The following MAP3K13 variants were observed in gnomAD, a reference collection of about 807,000 sequenced individuals.
The protein encoded by MAP3K13 is mitogen-activated protein kinase kinase kinase 13.
MAP3K13 carries 52 observed loss-of-function variants against 104.0 expected under a neutral mutation model. That is an observed-to-expected ratio of 0.50 (90% CI 0.40 to 0.63). MAP3K13 has a LOEUF of 0.63. Among genes scored for constraint, MAP3K13 ranks in the 20% least tolerant of loss-of-function variants. The pLI is 0.00. For synonymous variants in MAP3K13, 394 were observed against 442.2 expected, an observed-to-expected ratio of 0.89 and a Z score of 1.37; for missense variants, 914 against 1,218.5, an observed-to-expected ratio of 0.75 and a Z score of 3.72.
In MAP3K13 at chr3:185,454,670, GAGATATTTATATGAT is replaced by G. The variant is rs1716235080; in HGVS notation, c.1278+3277_1278+3291del. Among the ~76,000 whole-genome samples, 6 of 96,908 alleles carry G rather than the reference GAGATATTTATATGAT, an allele frequency of 6.2e-5. 2 individuals carry two copies. Among genetic ancestry groups the G allele is most frequent in the African/African-American group, 2.5e-4 (6 of 23,818 alleles). 63.6% of individuals were successfully genotyped at this position (96,908 alleles called of 152,430 possible). On this transcript the variant is annotated intron_variant, in intron 7 of 13. Transcript: ENST00000265026. ...TATATGATATATATATGATATATATGAGATATTTATATGATATATATATGAGATATATATATCATA... is the reference window on the plus strand; with the variant it reads ...TATATGATATATATATGATATATATGATATATATGAGATATATATATCATA...
chr3:185,454,784 TAC>T (rs1305361019), intron 7 of MAP3K13, among the ~76,000 whole-genome samples: 13 of 105,214 alleles, frequency 1.2e-4, no homozygotes, highest in African/African-American at 3.4e-4. Flanking sequence ...ATGAGATATA[TAC>T]ATGATATATA....
intron 5 of MAP3K13, among the ~76,000 whole-genome samples, chr3:185,449,535 T>G (rs1715772634): frequency 6.6e-6 from 1 of 152,174 alleles, no homozygotes; most frequent in African/African-American, 2.4e-5. Context: ...TTTTCCTAGC[T>G]GTTCCAACAA....
chr3:185,456,284 A>G (rs964798319), intron 7 of MAP3K13, among the ~76,000 whole-genome samples: 1 of 152,038 alleles, frequency 6.6e-6, no homozygotes, highest in Admixed American at 6.6e-5. Context: ...GCTTGCCCCT[A>G]TTGTTTGTTA....
chr3:185,354,605 G>C (rs962855222), intron 2 of MAP3K13, among the ~76,000 whole-genome samples: 1 of 39,884 alleles, frequency 2.5e-5, no homozygotes, highest in Admixed American at 2.2e-4. Context: ...ACTGTTATAA[G>C]TATGGGGGGG....
At chr3:185,422,814 C>G (rs960998732) in intron 1 of MAP3K13, among the ~76,000 whole-genome samples, 1 of 152,144 alleles carries the variant, frequency 6.6e-6, no homozygotes. Flanking sequence ...CAGTCTGTGG[C>G]CTGTTAGGAA....
upstream of MAP3K13, among the ~76,000 whole-genome samples, chr3:185,360,575 G>A (rs1372588494): frequency 6.6e-6 from 1 of 152,046 alleles, no homozygotes; most frequent in Non-Finnish European, 1.5e-5. Flanking sequence ...TGTTCCTGTG[G>A]TACAGGAAGC....
At chr3:185,351,121 A>C (rs1315772529) in intron 2 of MAP3K13, among the ~76,000 whole-genome samples, 1 of 152,218 alleles carries the variant, frequency 6.6e-6, no homozygotes, top group African/African-American at 2.4e-5. Flanking sequence ...AGAGCACTAA[A>C]CACCACGTGT....
At chr3:185,309,853 C>G (rs1295948202) in intron 2 of MAP3K13, among the ~76,000 whole-genome samples, 1 of 152,094 alleles carries the variant, frequency 6.6e-6, no homozygotes, top group East Asian at 1.9e-4. Flanking sequence ...TGTTCCTCCA[C>G]AGATATAAGG....
chr3:185,397,903 A>C (rs1712524319), intron 1 of MAP3K13, among the ~76,000 whole-genome samples: 3 of 152,048 alleles, frequency 2.0e-5, no homozygotes, highest in African/African-American at 4.8e-5. Context: ...TGCCAGTAAG[A>C]CTTTGAAAGG....
chr3:185,285,366 C>A, intron 1 of MAP3K13: 1 of 347,842 alleles, frequency 2.9e-6, no homozygotes. Flanking sequence ...TTTGCTACCT[C>A]AGTCTCCTGT....
rs1471878063 is a variant in MAP3K13 at position 185,485,645 on chromosome 3, TTTAA to T, written c.*3195_*3198del. 10 of 152,216 alleles carry T rather than the reference TTTAA, an allele frequency of 6.6e-5. No homozygotes were observed. In the South Asian group the frequency reaches 1.7e-3, roughly 25 times the overall value. The allele number at this position is 152,216 out of a possible 1,614,324, so 9.4% of individuals were successfully genotyped here. A position where few individuals can be genotyped will look rare whatever the true frequency, so the allele number is the denominator to read the frequency against. ...CAGTGCTTGTGTTCAAGTACCCCTATTTAATTAATAATAGCCCCAAAGGGCAAGA... is the reference window on the plus strand; with the variant it reads ...CAGTGCTTGTGTTCAAGTACCCCTATTTAATAATAGCCCCAAAGGGCAAGA... On this transcript the variant is annotated 3_prime_UTR_variant, in exon 14 of 14. Coordinates refer to ENST00000265026, the MANE Select transcript of MAP3K13 (RefSeq NM_004721.5).
At chr3:185,426,971 C>A (rs1230657357) in intron 1 of MAP3K13, among the ~76,000 whole-genome samples, 1 of 152,088 alleles carries the variant, frequency 6.6e-6, no homozygotes, top group Non-Finnish European at 1.5e-5. Context: ...CATACCCTGA[C>A]CTCTAGCATA....
chr3:185,454,304 T>TATATATGAGATATATATGAGATATATATC (rs1560116239), intron 7 of MAP3K13, among the ~76,000 whole-genome samples: 2 of 91,936 alleles, frequency 2.2e-5, no homozygotes, highest in African/African-American at 1.0e-4. Flanking sequence ...ATATATATCA[T>TATATATGAGATATATATGAGATATATATC]ATATATATGA....
At chr3:185,366,260 T>G (rs1723884166) in intron 1 of MAP3K13, among the ~76,000 whole-genome samples, 1 of 152,146 alleles carries the variant, frequency 6.6e-6, no homozygotes, top group Non-Finnish European at 1.5e-5. Flanking sequence ...TTGTCCATGT[T>G]GTAGCCTATA....
intron 3 of MAP3K13, among the ~76,000 whole-genome samples, chr3:185,441,244 G>A (rs924955478): frequency 2.0e-5 from 3 of 151,778 alleles, no homozygotes; most frequent in African/African-American, 7.3e-5. Context: ...AAATAAACAT[G>A]GAAATGTCCT....
Position 185,338,020 on chromosome 3 carries a change from C to A in MAP3K13, c.-86+52377C>A, listed in dbSNP as rs562243634. On this transcript the variant is annotated intron_variant, in intron 2 of 14. Transcript: ENST00000424227. ...TCTGAAAAATGATTTGATAATGAGA[C>A]CCATAGGAATAAACATGAAAAGCAA... is the stretch of plus-strand genomic sequence containing the variant. Among the ~76,000 whole-genome samples, 12 of 152,046 alleles carry A rather than the reference C, an allele frequency of 7.9e-5. No individual in the cohort carries two copies. The South Asian group carries it at 2.5e-3, about 32-fold the overall frequency.
rs1430136051 is a variant in MAP3K13, at chr3:185,454,492, AT to A, written c.1278+3098del. ...TATATATGAGATATATATGATATAT[AT>A]ACATATATATGAGATATATATGATA... is the stretch of plus-strand genomic sequence containing the variant. On this transcript the variant is annotated intron_variant, in intron 7 of 13. Coordinates refer to ENST00000265026, the MANE Select transcript of MAP3K13 (RefSeq NM_004721.5). 6.7e-4 allele frequency among the ~76,000 whole-genome samples: 72 copies of A among 108,020 alleles called. 1 individual carries two copies. The highest frequency in any genetic ancestry group is 2.1e-3 in the African/African-American group (54 of 26,292). The allele number at this position is 108,020 out of a possible 152,430, so 70.9% of individuals were successfully genotyped here.
At position 185,473,035 on chromosome 3, in the gene MAP3K13, T is replaced by G. The variant is rs1337951599; in HGVS notation, c.1704T>G (p.Pro568=). 1 of 1,614,042 alleles carries G rather than the reference T, an allele frequency of 6.2e-7. No individual in the cohort carries two copies. Among genetic ancestry groups the G allele is most frequent in the Non-Finnish European group, 8.5e-7 (1 of 1,180,028 alleles). The stretch of plus-strand genomic sequence containing the variant: ...CAGAAGTGGCTCCCACTGCATCCCC[T>G]TTGTCCGGAAGTCCCAAAATGTCCA... The part of the protein sequence containing the change: ...PTTEVAPTAS[P]LSGSPKMSTS... The change falls in exon 11 of 14, where the codon CCT becomes CCG. Residue 568 remains proline, a synonymous_variant. Transcript: ENST00000265026. This position sits in a 1 kb window ranked among gnomAD's most constrained non-coding sequence, Gnocchi z 4.9.
intron 2 of MAP3K13, among the ~76,000 whole-genome samples, chr3:185,331,547 A>G (rs998919392): frequency 6.6e-6 from 1 of 152,086 alleles, no homozygotes; most frequent in African/African-American, 2.4e-5. Context: ...TCTAGAATGT[A>G]AGAACTTTGT....
Sources: allele counts gnomAD v4.1 joint callset (sites outside exome capture counted in the v4.1 genomes callset), GRCh38; gene constraint gnomAD v4.1.1; non-coding constraint Gnocchi (gnomAD v3.1); transcripts MANE v1.5; gene names NCBI Gene and HGNC (gene_info 2026-07-23, HGNC 2026-07-21).